Variants in KCTD1 observed in about 807,000 individuals in gnomAD.
The protein encoded by KCTD1 is BTB/POZ domain-containing protein KCTD1.
A neutral mutation model predicts 66.0 loss-of-function variants in KCTD1; 24 were observed. That is an observed-to-expected ratio of 0.36 (90% confidence interval 0.26 to 0.51). The LOEUF (loss-of-function observed/expected upper bound fraction) is 0.51. Among genes scored for constraint, KCTD1 ranks in the 20% least tolerant of loss-of-function variants. KCTD1 has a pLI of 0.95. For synonymous variants in KCTD1, 511 were observed against 517.2 expected (o/e 0.99, Z 0.16); for missense variants, 943 against 1,205.2 (o/e 0.78, Z 3.22).
chr18:26,508,434 C>A (rs1319255306), intron 1 of KCTD1, among the ~76,000 whole-genome samples: 2 of 152,196 alleles, frequency 1.3e-5, no homozygotes, highest in Non-Finnish European at 2.9e-5. Context: ...CTGCCTTGAA[C>A]AAATGAGCTG....
At chr18:26,516,588 T>C (rs778702655) in intron 1 of KCTD1, among the ~76,000 whole-genome samples, 1 of 152,172 alleles carries the variant, frequency 6.6e-6, no homozygotes, top group Non-Finnish European at 1.5e-5. Context: ...TTATAGCAAG[T>C]AGAATGGAAG....
intron 3 of KCTD1, among the ~76,000 whole-genome samples, chr18:26,460,601 G>GA (rs1466686122): frequency 6.6e-6 from 1 of 152,216 alleles, no homozygotes; most frequent in East Asian, 1.9e-4. Context: ...TGTGCCACCT[G>GA]ATGGAGCTGC....
In KCTD1 at chr18:26,567,484, TG is replaced by T. The variant is rs1567996166; in HGVS notation, c.-16+61662del. On this transcript the variant is annotated intron_variant, in intron 1 of 4. Coordinates refer to the KCTD1 transcript ENST00000317932. Reference sequence around the variant, plus strand: ...TCTAGAAATGCTGTTGTTCTGTTGTTGTTGTTTTTTTTTTTTTTTTTGAGAC... The same window carrying T: ...TCTAGAAATGCTGTTGTTCTGTTGTTTTGTTTTTTTTTTTTTTTTTGAGAC... Among the ~76,000 whole-genome samples, 10 of 126,636 alleles carry T rather than the reference TG, an allele frequency of 7.9e-5. No individual in the cohort carries two copies. In the East Asian group the frequency reaches 8.1e-4, roughly 10 times the overall value. The allele number at this position is 126,636 out of a possible 152,430, so 83.1% of individuals were successfully genotyped here.
At chr18:26,606,669 A>G (rs1410541096) in intron 1 of KCTD1, among the ~76,000 whole-genome samples, 1 of 152,194 alleles carries the variant, frequency 6.6e-6, no homozygotes, top group East Asian at 1.9e-4. Flanking sequence ...ATCCCAGTCA[A>G]GGCCAGTTCT....
At chr18:26,548,598 A>T, upstream of KCTD1, 1 of 1,192,932 alleles carries the variant, frequency 8.4e-7, no homozygotes, top group Non-Finnish European at 1.0e-6. Context: ...CGCAGCGCTG[A>T]GAGCTTTTGT....
intron 1 of KCTD1, among the ~76,000 whole-genome samples, chr18:26,538,036 C>CA (rs1298523481): frequency 6.6e-6 from 1 of 152,118 alleles, no homozygotes; most frequent in Non-Finnish European, 1.5e-5. Flanking sequence ...CACCTGAGGT[C>CA]AGGAGTTTGA....
intron 1 of KCTD1, among the ~76,000 whole-genome samples, chr18:26,655,990 G>C (rs933575346): frequency 1.4e-4 from 21 of 152,094 alleles, no homozygotes; most frequent in Admixed American, 1.2e-3. Context: ...TTGGGGGCGG[G>C]AGAGGAAGCA....
intron 1 of KCTD1, among the ~76,000 whole-genome samples, chr18:26,589,973 G>A (rs474609): frequency 0.21 from 32,060 of 152,098 alleles, 3,473 homozygotes; most frequent in East Asian, 0.33. Context: ...GAGTCGATCT[G>A]AGAAGGCAGA....
rs150208624 is a variant in KCTD1 at position 26,545,675 on chromosome 18, T to G, written c.1809+1053A>C. 23 of 152,060 alleles carry G rather than the reference T, an allele frequency of 1.5e-4. 1 individual carries two copies. Among genetic ancestry groups the G allele is most frequent in the African/African-American group, 5.1e-4 (21 of 41,470 alleles). 9.4% of individuals were successfully genotyped at this position (152,060 alleles called of 1,614,324 possible). On this transcript the variant is annotated intron_variant, in intron 1 of 4. Transcript: ENST00000580059. ...CCAGTGGGTACTCCTGCCTGCAGAA[T>G]AGAACACAGTGTCCAAAGACCCCTG... is the stretch of plus-strand genomic sequence containing the variant.
At chr18:26,501,826 C>A (rs1982776374) in intron 1 of KCTD1, among the ~76,000 whole-genome samples, 1 of 152,208 alleles carries the variant, frequency 6.6e-6, no homozygotes, top group Admixed American at 6.5e-5. Flanking sequence ...ACCACAAGTT[C>A]ATCAGTCAAC....
intron 1 of KCTD1, among the ~76,000 whole-genome samples, chr18:26,577,724 T>C (rs1270327202): frequency 6.6e-6 from 1 of 151,832 alleles, no homozygotes; most frequent in Non-Finnish European, 1.5e-5. Context: ...TAGTTTTTAG[T>C]GTTTTTTTTT....
At chr18:26,623,663 T>C (rs1483279477) in intron 1 of KCTD1, among the ~76,000 whole-genome samples, 1 of 152,208 alleles carries the variant, frequency 6.6e-6, no homozygotes, top group Non-Finnish European at 1.5e-5. Flanking sequence ...TTACCCAGTC[T>C]TAGACAATTC....
At chr18:26,555,516 T>C (rs1268907526) in intron 1 of KCTD1, among the ~76,000 whole-genome samples, 1 of 152,266 alleles carries the variant, frequency 6.6e-6, no homozygotes, top group Non-Finnish European at 1.5e-5. Flanking sequence ...AATGTTCATA[T>C]GCTTTGATGC....
intron 2 of KCTD1, among the ~76,000 whole-genome samples, chr18:26,500,373 T>C (rs1982696477): frequency 6.6e-6 from 1 of 152,188 alleles, no homozygotes; most frequent in East Asian, 1.9e-4. Flanking sequence ...TGAGCCATGT[T>C]TGCACCACTG....
chr18:26,503,553 A>C (rs1279309999), intron 1 of KCTD1, among the ~76,000 whole-genome samples: 1 of 152,130 alleles, frequency 6.6e-6, no homozygotes, highest in Non-Finnish European at 1.5e-5. Context: ...ATTTCAGCCC[A>C]TCACAGCGCG....
chr18:26,632,106 C>T (rs533850809), upstream of KCTD1, among the ~76,000 whole-genome samples: 33 of 150,156 alleles, frequency 2.2e-4, no homozygotes, highest in South Asian at 7.0e-3. Context: ...AACATACAGG[C>T]CGGTGCAGTG....
At chr18:26,636,521 C>T (rs1293795118) in intron 1 of KCTD1, among the ~76,000 whole-genome samples, 1 of 152,242 alleles carries the variant, frequency 6.6e-6, no homozygotes. Context: ...CCGACCGAAA[C>T]TCCCATTTCT....
intron 1 of KCTD1, among the ~76,000 whole-genome samples, chr18:26,648,796 A>G (rs979310761): frequency 5.3e-5 from 8 of 152,182 alleles, no homozygotes; most frequent in African/African-American, 1.9e-4. Context: ...TCAGCCACTC[A>G]CCATATGTGA....
At chr18:26,488,485 T>C (rs548486244) in intron 2 of KCTD1, among the ~76,000 whole-genome samples, 1 of 152,292 alleles carries the variant, frequency 6.6e-6, no homozygotes, top group Non-Finnish European at 1.5e-5. Context: ...TTCTAAGCTA[T>C]TTTTTGAAAA....
Sources: gnomAD v4.1 joint callset for allele counts (sites outside exome capture counted in the v4.1 genomes callset) on GRCh38, gnomAD v4.1.1 for gene constraint, MANE v1.5 for transcripts, NCBI Gene and HGNC (gene_info 2026-07-23, HGNC 2026-07-21) for gene names.